The following PIK3R6 variants were observed in gnomAD, a reference collection of about 807,000 sequenced individuals.
The protein encoded by PIK3R6 is phosphoinositide 3-kinase regulatory subunit 6.
A neutral mutation model predicts 84.9 loss-of-function variants in PIK3R6; 91 were observed. That is an observed-to-expected ratio of 1.07 (90% CI 0.90 to 1.28). The LOEUF is 1.28. Ranked by LOEUF, PIK3R6 falls within the 50% of genes most tolerant of loss-of-function variation. The pLI is 0.00. For synonymous variants in PIK3R6, 416 were observed against 411.4 expected (o/e 1.01, Z -0.13); for missense variants, 996 against 985.1 (o/e 1.01, Z -0.15).
intron 12 of PIK3R6, among the ~76,000 whole-genome samples, chr17:8,827,763 G>GGA (rs199969342): frequency 0.05 from 1,736 of 34,686 alleles, 90 homozygotes; most frequent in Admixed American, 0.058. Flanking sequence ...GAGAGAGAGA[G>GGA]GAGAGAGAGA....
chr17:8,845,715 G>C (rs1353673170), intron 2 of PIK3R6, among the ~76,000 whole-genome samples: 1 of 151,978 alleles, frequency 6.6e-6, no homozygotes. Flanking sequence ...GGGAGGCAGA[G>C]GGGGGCAGAT....
At position 8,839,531 on chromosome 17, in the gene PIK3R6, C is replaced by G. The variant is rs2088603479; in HGVS notation, c.97+83G>C. ...TTGCCCCCTGAGCTCCAGGCCGGGG[C>G]TCTTTCCTGTATGCGCGTGTATTGT... On this transcript the variant is annotated intron_variant, in intron 3 of 19. Transcript: ENST00000619866. The surrounding 1 kb of genome is among the most constrained non-coding windows in gnomAD (Gnocchi z 4.2). The G allele has an allele frequency of 1.8e-6, 2 of 1,133,676 alleles. No individual in the cohort carries two copies. Among genetic ancestry groups the G allele is most frequent in the Non-Finnish European group, 1.3e-6 (1 of 792,926 alleles). The allele number at this position is 1,133,676 out of a possible 1,614,324, so 70.2% of individuals were successfully genotyped here.
Position 8,836,781 on chromosome 17 carries a change from T to C in PIK3R6, c.391+10A>G. The C allele has an allele frequency of 6.2e-7, 1 of 1,610,858 alleles. No homozygotes were observed. Among genetic ancestry groups the C allele is most frequent in the Non-Finnish European group, 8.5e-7 (1 of 1,178,504 alleles). On this transcript the variant is annotated intron_variant, in intron 6 of 19. Coordinates refer to ENST00000619866, the MANE Select transcript of PIK3R6 (RefSeq NM_001010855.4). ...CAGCGTGGGAGACAAAGATGCCCAG[T>C]GACTCTTACCTGGGACAGCCATCTC...
intron 18 of PIK3R6, among the ~76,000 whole-genome samples, chr17:8,812,721 C>T (rs1325415264): frequency 1.3e-5 from 2 of 152,110 alleles, no homozygotes; most frequent in Non-Finnish European, 2.9e-5. Context: ...AATAGAGACA[C>T]AACATACCAA....
At position 8,833,004 on chromosome 17, in the gene PIK3R6, C is replaced by T; in HGVS notation, c.687G>A (p.Val229=). 1.9e-6 allele frequency: 3 copies of T among 1,610,380 alleles called. No individual in the cohort carries two copies. Among genetic ancestry groups the T allele is most frequent in the Non-Finnish European group, 2.5e-6 (3 of 1,179,390 alleles). ...TGGCCATCTGCTCCAAGGCGGCCAC[C>T]ACGGCGTGGAAATAGTGCTCCAGGG... ...RRTLEHYFHA[V]VAALEQMASE... Residue 229 remains valine, a synonymous_variant, in exon 9 of 20, where the codon GTG becomes GTA. Coordinates refer to ENST00000619866, the MANE Select transcript of PIK3R6 (RefSeq NM_001010855.4).
At chr17:8,819,833 C>CACACACATATATATGTATATATAG in intron 17 of PIK3R6, among the ~76,000 whole-genome samples, 1 of 143,726 alleles carries the variant, frequency 7.0e-6, no homozygotes, top group East Asian at 2.0e-4. Flanking sequence ...TACGTATATA[C>CACACACATATATATGTATATATAG]ACACACATAT....
chr17:8,803,198 T>C lies in PIK3R6; in HGVS notation c.*75A>G. ...GCTGCCGTGTGGAGCCGGGCCTTGC[T>C]CTGGCTGTTGGTGTGAGTGTTTGGA... On this transcript the variant is annotated 3_prime_UTR_variant, in exon 20 of 20. Transcript: ENST00000619866. The surrounding 1 kb of genome is among the most constrained non-coding windows in gnomAD (Gnocchi z 5.0). 6.3e-7 allele frequency: 1 copy of C among 1,580,570 alleles called. No individual in the cohort carries two copies. Among genetic ancestry groups the C allele is most frequent in the South Asian group, 1.1e-5 (1 of 88,420 alleles).
At chr17:8,824,656 C>T (rs547723714) in intron 13 of PIK3R6, among the ~76,000 whole-genome samples, 1 of 152,260 alleles carries the variant, frequency 6.6e-6, no homozygotes, top group South Asian at 2.1e-4. Context: ...AAGGGGAAAA[C>T]CAAAACCTTA....
chr17:8,837,969 G>A, intron 4 of PIK3R6, 98 bp from the exon 5 acceptor site: 1 of 1,030,052 alleles, frequency 9.7e-7, no homozygotes, highest in Non-Finnish European at 1.5e-6. Flanking sequence ...GAGATGGGGT[G>A]GAAGGCAGCC....
chr17:8,810,106 A>G (rs2087313094), intron 18 of PIK3R6, among the ~76,000 whole-genome samples: 1 of 151,120 alleles, frequency 6.6e-6, no homozygotes, highest in South Asian at 2.1e-4. Flanking sequence ...AAGAGGTTTA[A>G]TGGACTTACA....
rs2088424797 is a variant in PIK3R6 at position 8,835,464 on chromosome 17, C to A, written c.462-8G>T. ...TCCACGAAGAGGAACACTCTGAGGGCAGAAGCAGAGGGGAGAGGTGGGATT... is the reference window on the plus strand; with the variant it reads ...TCCACGAAGAGGAACACTCTGAGGGAAGAAGCAGAGGGGAGAGGTGGGATT... On this transcript the variant is annotated splice_polypyrimidine_tract_variant and splice_region_variant and intron_variant, in intron 7 of 19. Coordinates refer to ENST00000619866, the MANE Select transcript of PIK3R6 (RefSeq NM_001010855.4). 2.6e-6 allele frequency: 4 copies of A among 1,544,528 alleles called. No individual in the cohort carries two copies. Among genetic ancestry groups the A allele is most frequent in the South Asian group, 1.2e-5 (1 of 84,038 alleles).
At chr17:8,812,944 C>T (rs571364405) in intron 18 of PIK3R6, among the ~76,000 whole-genome samples, 10 of 151,790 alleles carry the variant, frequency 6.6e-5, no homozygotes, top group African/African-American at 1.2e-4. Context: ...GAAGGATCAA[C>T]GAAATGAAAA....
rs1163850182 is a variant in PIK3R6, at chr17:8,862,006, C to T, written c.-92+5523G>A. Among the ~76,000 whole-genome samples, 2 of 152,068 alleles carry T rather than the reference C, an allele frequency of 1.3e-5. No individual in the cohort carries two copies. The highest frequency in any genetic ancestry group is 6.5e-5 in the Admixed American group (1 of 15,268). ...TCAGCTGAAACTGCAAAGTTATGGC[C>T]ACAGTGTATGATAAGTGCTTCATTA... On this transcript the variant is annotated intron_variant, in intron 1 of 19. Coordinates refer to ENST00000619866, the MANE Select transcript of PIK3R6 (RefSeq NM_001010855.4). This position sits in a 1 kb window ranked among gnomAD's most constrained non-coding sequence, Gnocchi z 4.3.
intron 16 of PIK3R6, 40 bp from the exon 17 acceptor site, chr17:8,821,976 A>AGGTGCT: frequency 1.3e-6 from 2 of 1,483,644 alleles, no homozygotes; most frequent in Non-Finnish European, 1.8e-6. Context: ...GGTGCTCAGG[A>AGGTGCT]CATACCCTTT....
intron 11 of PIK3R6, 123 bp downstream of exon 11, chr17:8,828,444 G>A (rs1424594850): frequency 2.0e-5 from 25 of 1,270,702 alleles, no homozygotes; most frequent in African/African-American, 3.0e-5. Flanking sequence ...ATCCTCCTCC[G>A]TCCCACCCTG....
intron 8 of PIK3R6, among the ~76,000 whole-genome samples, chr17:8,833,456 T>C (rs2151257643): frequency 6.6e-6 from 1 of 152,178 alleles, no homozygotes; most frequent in Middle Eastern, 3.4e-3. Flanking sequence ...AATAGCTCAC[T>C]GCACCAGGTG....
chr17:8,839,740 C>G lies in PIK3R6; in HGVS notation c.14-43G>C. 6.8e-7 allele frequency: 1 copy of G among 1,476,896 alleles called. No homozygotes were observed. 91.5% of individuals were successfully genotyped at this position (1,476,896 alleles called of 1,614,324 possible). On this transcript the variant is annotated intron_variant, in intron 2 of 19. Transcript: ENST00000619866. The surrounding 1 kb of genome is among the most constrained non-coding windows in gnomAD (Gnocchi z 4.2). ...TGGGAGGAAACTCAGTCCACTGAAC[C>G]TCACCCTCGTCCCACCTCCATTCCT...
At chr17:8,841,109 T>G (rs2088664781) in intron 2 of PIK3R6, among the ~76,000 whole-genome samples, 1 of 151,392 alleles carries the variant, frequency 6.6e-6, no homozygotes, top group South Asian at 2.1e-4. Flanking sequence ...CTTATTTATT[T>G]TATTTATTTA....
At chr17:8,865,792 C>T (rs542635240) in intron 1 of PIK3R6, among the ~76,000 whole-genome samples, 2 of 151,666 alleles carry the variant, frequency 1.3e-5, no homozygotes, top group South Asian at 4.2e-4. Flanking sequence ...CTGGCTGGCC[C>T]CCGTGGACAA....
Sources: allele counts gnomAD v4.1 joint callset (sites outside exome capture counted in the v4.1 genomes callset), GRCh38; gene constraint gnomAD v4.1.1; non-coding constraint Gnocchi (gnomAD v3.1); transcripts MANE v1.5; gene names NCBI Gene and HGNC (gene_info 2026-07-23, HGNC 2026-07-21).